SHISA9: variants seen among roughly 807,000 people sequenced by gnomAD.
SHISA9 encodes shisa family member 9, also known as protein shisa-9.
Under a neutral mutation model 38.0 loss-of-function variants are expected in SHISA9, and 13 were observed. The observed-to-expected ratio is 0.34, with a 90% CI of 0.22 to 0.54. SHISA9 has a LOEUF of 0.54. Among genes scored for constraint, SHISA9 ranks in the 20% least tolerant of loss-of-function variants. The probability of loss-of-function intolerance (pLI) is 0.91; values close to 1 mark genes in which losing one functional copy is unlikely to be tolerated. For synonymous variants in SHISA9, 275 were observed against 242.0 expected, an observed-to-expected ratio of 1.14 and a Z score of -1.27; for missense variants, 538 against 575.8, an observed-to-expected ratio of 0.93 and a Z score of 0.67.
At chr16:13,217,606 G>C (rs115474183) in intron 4 of SHISA9, among the ~76,000 whole-genome samples, 1,682 of 152,298 alleles carry the variant, frequency 0.011, 23 homozygotes, top group African/African-American at 0.039. Flanking sequence ...TGTAGGTTTT[G>C]CACAGGGCTT....
At chr16:13,261,546 A>G in the SHISA9 span, among the ~76,000 whole-genome samples, 3 of 152,202 alleles carry the variant, frequency 2.0e-5, no homozygotes, top group Non-Finnish European at 4.4e-5. Flanking sequence ...CTGATGAAAC[A>G]CCAGAATTTA....
intron 2 of SHISA9, 147 bp downstream of exon 2, chr16:12,916,962 C>T (rs1193879876): frequency 5.3e-6 from 5 of 951,678 alleles, no homozygotes; most frequent in Non-Finnish European, 7.6e-6. Context: ...TTGGATGAAG[C>T]TGAATTTAGC....
intron 2 of SHISA9, among the ~76,000 whole-genome samples, chr16:13,019,882 C>T (rs918308423): frequency 0.022 from 452 of 20,308 alleles, 30 homozygotes; most frequent in African/African-American, 0.032. Context: ...CTCCCTCCCT[C>T]CCTTCTTTCT....
chr16:13,109,481 G>C (rs4781412), intron 2 of SHISA9, among the ~76,000 whole-genome samples: 8,133 of 152,216 alleles, frequency 0.053, 361 homozygotes, highest in Admixed American at 0.14. Context: ...ACATCACTCA[G>C]TTGTTCATAA....
the SHISA9 span, among the ~76,000 whole-genome samples, chr16:13,268,856 C>T: frequency 0.55 from 83,283 of 151,452 alleles, 23,184 homozygotes; most frequent in African/African-American, 0.61. Flanking sequence ...GTACATATTA[C>T]GTGTCCAATT....
the SHISA9 span, among the ~76,000 whole-genome samples, chr16:13,302,917 C>T: frequency 2.6e-5 from 4 of 152,122 alleles, no homozygotes; most frequent in Admixed American, 6.6e-5. Context: ...CCCCTTTACA[C>T]GCTCTCTCTC....
At chr16:13,010,796 A>G (rs1027732205) in intron 2 of SHISA9, among the ~76,000 whole-genome samples, 50 of 152,320 alleles carry the variant, frequency 3.3e-4, no homozygotes, top group African/African-American at 1.2e-3. Flanking sequence ...TACTAAAAAT[A>G]CAAAAATCAG....
the SHISA9 span, among the ~76,000 whole-genome samples, chr16:13,478,724 T>C: frequency 6.6e-6 from 1 of 152,220 alleles, no homozygotes; most frequent in African/African-American, 2.4e-5. Flanking sequence ...TACATGAGTA[T>C]TACTAAGCCT....
chr16:13,062,105 C>A (rs546994409), intron 2 of SHISA9, among the ~76,000 whole-genome samples: 1 of 152,136 alleles, frequency 6.6e-6, no homozygotes, highest in Non-Finnish European at 1.5e-5. Context: ...AAATACAGGA[C>A]CCCCAGATAA....
At chr16:13,318,437 C>G in the SHISA9 span, among the ~76,000 whole-genome samples, 5 of 152,172 alleles carry the variant, frequency 3.3e-5, no homozygotes, top group African/African-American at 9.7e-5. Context: ...ATTCTTCTGC[C>G]TTAGCATCCT....
chr16:13,087,034 A>T (rs1596639123), intron 2 of SHISA9, among the ~76,000 whole-genome samples: 1 of 147,312 alleles, frequency 6.8e-6, no homozygotes, highest in South Asian at 2.2e-4. Flanking sequence ...TCATTGTTCA[A>T]TTCCCACCTA....
At chr16:13,132,535 A>T (rs1177974756) in intron 2 of SHISA9, among the ~76,000 whole-genome samples, 1 of 152,068 alleles carries the variant, frequency 6.6e-6, no homozygotes, top group South Asian at 2.1e-4. Flanking sequence ...TACTCCCTAG[A>T]TTTGGTGGCA....
chr16:13,215,183 G>A (rs544971379), intron 4 of SHISA9, among the ~76,000 whole-genome samples: 3 of 152,268 alleles, frequency 2.0e-5, no homozygotes, highest in East Asian at 1.9e-4. Context: ...TGGTTCTCAC[G>A]TTGTAACCAG....
At chr16:13,409,171 C>T in the SHISA9 span, among the ~76,000 whole-genome samples, 14 of 152,270 alleles carry the variant, frequency 9.2e-5, no homozygotes, top group African/African-American at 2.2e-4. Flanking sequence ...GAGAGGAGTT[C>T]GGCCGCTAGA....
At chr16:13,223,579 A>C (rs1256001712) in intron 4 of SHISA9, among the ~76,000 whole-genome samples, 1 of 152,178 alleles carries the variant, frequency 6.6e-6, no homozygotes, top group African/African-American at 2.4e-5. Flanking sequence ...TCAAGAGCCT[A>C]GTGTAGGATT....
intron 2 of SHISA9, among the ~76,000 whole-genome samples, chr16:13,113,630 G>GCA (rs1035338388): frequency 2.4e-4 from 36 of 152,296 alleles, no homozygotes; most frequent in African/African-American, 8.2e-4. Context: ...AGGAATTTGG[G>GCA]CAGGGAGGTC....
At position 12,912,197 on chromosome 16, in the gene SHISA9, C is replaced by A. The variant is rs6498361; in HGVS notation, c.564-4491C>A. Among the ~76,000 whole-genome samples, 296 of 149,496 alleles carry A rather than the reference C, an allele frequency of 2.0e-3. 1 individual carries two copies. Among genetic ancestry groups the A allele is most frequent in the Non-Finnish European group, 3.5e-3 (236 of 66,744 alleles). On this transcript the variant is annotated intron_variant, in intron 1 of 4. Coordinates refer to ENST00000558583, the MANE Select transcript of SHISA9 (RefSeq NM_001145204.3). ...ATGCAGTCCCTGGAGTGAGCGAGCCCCACTTCAAAGACTCTTTGTCCAGGA... is the reference window on the plus strand; with the variant it reads ...ATGCAGTCCCTGGAGTGAGCGAGCCACACTTCAAAGACTCTTTGTCCAGGA...
chr16:13,507,412 T>C, the SHISA9 span, among the ~76,000 whole-genome samples: 3 of 152,236 alleles, frequency 2.0e-5, no homozygotes, highest in African/African-American at 4.8e-5. Flanking sequence ...TTCTTTCTTT[T>C]CTTTCTTTTA....
chr16:13,212,779 G>A (rs1454092551), intron 3 of SHISA9, among the ~76,000 whole-genome samples: 1 of 152,180 alleles, frequency 6.6e-6, no homozygotes, highest in African/African-American at 2.4e-5. Flanking sequence ...AGTAGAGCCT[G>A]TCCCAACCTT....
Sources: gnomAD v4.1 joint callset for allele counts (sites outside exome capture counted in the v4.1 genomes callset) on GRCh38, gnomAD v4.1.1 for gene constraint, MANE v1.5 for transcripts, NCBI Gene and HGNC (gene_info 2026-07-23, HGNC 2026-07-21) for gene names.